The following SLC4A10 variants were observed in gnomAD, a reference collection of about 807,000 sequenced individuals.
SLC4A10 encodes solute carrier family 4 member 10, also known as sodium-driven chloride bicarbonate exchanger.
Under a neutral mutation model 137.7 loss-of-function variants are expected in SLC4A10, and 42 were observed. The observed-to-expected ratio is 0.30, with a 90% confidence interval of 0.24 to 0.39. SLC4A10 has a LOEUF of 0.39. Among genes scored for constraint, SLC4A10 ranks in the 10% least tolerant of loss-of-function variants. The pLI is 1.00. For missense variants in SLC4A10, 925 were observed against 1,355.0 expected (o/e 0.68, Z 4.98); for synonymous variants, 474 against 464.1 (o/e 1.02, Z -0.27).
chr2:161,919,426 A>G (rs908460414), intron 15 of SLC4A10, among the ~76,000 whole-genome samples: 2 of 151,994 alleles, frequency 1.3e-5, no homozygotes, highest in Admixed American at 6.5e-5. Flanking sequence ...CTGCTCACCC[A>G]TGGCCACCCA....
intron 10 of SLC4A10, among the ~76,000 whole-genome samples, chr2:161,891,289 C>T (rs900892316): frequency 6.6e-6 from 1 of 152,034 alleles, no homozygotes; most frequent in Non-Finnish European, 1.5e-5. Flanking sequence ...TTTCTCTTCT[C>T]GAGGAGTATC....
At chr2:161,975,847 G>A (rs1250254621) in intron 24 of SLC4A10, among the ~76,000 whole-genome samples, 4 of 152,226 alleles carry the variant, frequency 2.6e-5, no homozygotes, top group Non-Finnish European at 5.9e-5. Context: ...TTCCAGAACA[G>A]TCAGGAGGCT....
At chr2:161,630,648 A>G (rs983725582) in intron 1 of SLC4A10, among the ~76,000 whole-genome samples, 1 of 151,778 alleles carries the variant, frequency 6.6e-6, no homozygotes, top group East Asian at 1.9e-4. Flanking sequence ...CCACTATTAT[A>G]TAGTCTCTAT....
chr2:161,983,047 CAGCATGAGAG>C lies in SLC4A10; in HGVS notation c.*27-127_*27-118del, dbSNP rs1360377469. ...ATTGTTGCTGTCTATCTGTGCTTCG[CAGCATGAGAG>C]AGCAATGCCTACGGGCTCTTGTGGT... On this transcript the variant is annotated intron_variant, in intron 26 of 26. Coordinates refer to ENST00000446997, the MANE Select transcript of SLC4A10 (RefSeq NM_001178015.2). The C allele has an allele frequency of 5.8e-5, 41 of 701,416 alleles. No homozygotes were observed. In the East Asian group the frequency reaches 1.1e-3, roughly 19 times the overall value. 43.4% of individuals were successfully genotyped at this position (701,416 alleles called of 1,614,324 possible).
At chr2:161,741,057 G>C in intron 1 of SLC4A10, among the ~76,000 whole-genome samples, 1 of 151,918 alleles carries the variant, frequency 6.6e-6, no homozygotes, top group East Asian at 1.9e-4. Context: ...CAAATTGCTT[G>C]AGTCCAGGAG....
rs1277267511 is a variant in SLC4A10 at position 161,738,371 on chromosome 2, T to A, written c.49-32602T>A. Reference sequence around the variant, plus strand: ...GGCAGGCCTCTGAACCAGAGTAGATTTAGAGAGACTCCAGCACTGTCTCAT... The same window carrying A: ...GGCAGGCCTCTGAACCAGAGTAGATATAGAGAGACTCCAGCACTGTCTCAT... On this transcript the variant is annotated intron_variant, in intron 1 of 26. Coordinates refer to ENST00000446997, the MANE Select transcript of SLC4A10 (RefSeq NM_001178015.2). 3.3e-5 allele frequency among the ~76,000 whole-genome samples: 5 copies of A among 152,260 alleles called. No individual in the cohort carries two copies. The Middle Eastern group carries it at 0.01, about 311-fold the overall frequency.
chr2:161,773,388 T>C (rs747040920), intron 2 of SLC4A10, among the ~76,000 whole-genome samples: 4 of 151,894 alleles, frequency 2.6e-5, no homozygotes, highest in African/African-American at 4.8e-5. Flanking sequence ...ATTCAAATTG[T>C]AGTATCCTCC....
At chr2:161,963,443 A>T (rs1697067858) in intron 21 of SLC4A10, among the ~76,000 whole-genome samples, 1 of 152,200 alleles carries the variant, frequency 6.6e-6, no homozygotes, top group South Asian at 2.1e-4. Flanking sequence ...GAAATTAAAT[A>T]GAGTTAACAA....
At chr2:161,890,353 T>C (rs1188536730) in intron 10 of SLC4A10, among the ~76,000 whole-genome samples, 1 of 152,162 alleles carries the variant, frequency 6.6e-6, no homozygotes. Flanking sequence ...TGTTGATTTT[T>C]CTGTCTCGTT....
At chr2:161,680,647 C>A (rs1050124151) in intron 1 of SLC4A10, among the ~76,000 whole-genome samples, 1 of 151,968 alleles carries the variant, frequency 6.6e-6, no homozygotes, top group African/African-American at 2.4e-5. Flanking sequence ...GTGATGAAAG[C>A]AAGTTTTAAG....
chr2:161,798,364 A>G lies in SLC4A10; in HGVS notation c.131-6085A>G, dbSNP rs545256890. Among the ~76,000 whole-genome samples, 6 of 152,060 alleles carry G rather than the reference A, an allele frequency of 3.9e-5. No homozygotes were observed. The East Asian group carries it at 1.2e-3, about 29-fold the overall frequency. Reference sequence around the variant, plus strand: ...AACAAAAGACATAGAGTTCTCTTCAAGAGTAGATACCTTGACCCCTTCCCT... The same window carrying G: ...AACAAAAGACATAGAGTTCTCTTCAGGAGTAGATACCTTGACCCCTTCCCT... On this transcript the variant is annotated intron_variant, in intron 2 of 26. Coordinates refer to ENST00000446997, the MANE Select transcript of SLC4A10 (RefSeq NM_001178015.2).
chr2:161,915,503 G>A (rs1457257548), intron 15 of SLC4A10, among the ~76,000 whole-genome samples: 1 of 152,182 alleles, frequency 6.6e-6, no homozygotes, highest in East Asian at 1.9e-4. Context: ...CTGATGGTGA[G>A]CAGCTTCCCC....
Position 161,879,225 on chromosome 2 carries a change from C to G in SLC4A10, c.1043C>G (p.Ala348Gly), listed in dbSNP as rs201945239. ...ELEFLDRTVVAFVRLSPAVLL... is the reference protein window; with the variant it reads ...ELEFLDRTVVGFVRLSPAVLL... ...GAGTTCTTGGATCGAACAGTAGTTG[C>G]GTTTGTCAGGTTGTCTCCAGCTGTA... The change falls in exon 9 of 27, where the codon GCG (alanine) becomes GGG (glycine). Residue 348 changes from alanine (A) to glycine (G), a missense_variant. By Grantham distance (60) the Ala-to-Gly change is moderately conservative. Transcript: ENST00000446997. The G allele has an allele frequency of 8.1e-6, 13 of 1,613,104 alleles. No individual in the cohort carries two copies. In the Admixed American group the frequency reaches 8.3e-5, roughly 10 times the overall value.
chr2:161,929,090 C>G (rs1041354584), intron 15 of SLC4A10, among the ~76,000 whole-genome samples: 4 of 152,000 alleles, frequency 2.6e-5, no homozygotes, highest in Admixed American at 2.6e-4. Flanking sequence ...CCTTTTATTT[C>G]TGAGGTAAAC....
intron 1 of SLC4A10, among the ~76,000 whole-genome samples, chr2:161,670,332 A>T (rs2039551953): frequency 7.0e-6 from 1 of 143,164 alleles, no homozygotes. Flanking sequence ...GGTTTTATTG[A>T]GCATTTACTA....
In SLC4A10 at chr2:161,964,603, G is replaced by GA. The variant is rs1378778464; in HGVS notation, c.3036+300dup. On this transcript the variant is annotated intron_variant, in intron 22 of 26. Transcript: ENST00000446997. ...TAACATTAAAGATACTAGCAAATAT[G>GA]AAAAATTAGGATTTTTAAAATAACA... Among the ~76,000 whole-genome samples, 4 of 152,192 alleles carry GA rather than the reference G, an allele frequency of 2.6e-5. No homozygotes were observed. The South Asian group carries it at 6.2e-4, about 24-fold the overall frequency.
intron 1 of SLC4A10, among the ~76,000 whole-genome samples, chr2:161,722,995 A>G (rs371380343): frequency 1.3e-5 from 2 of 152,180 alleles, no homozygotes; most frequent in Non-Finnish European, 2.9e-5. Flanking sequence ...GAATTCCTCC[A>G]GGTCCAAACT....
intron 1 of SLC4A10, among the ~76,000 whole-genome samples, chr2:161,768,945 C>T (rs535942493): frequency 6.6e-6 from 1 of 152,074 alleles, no homozygotes; most frequent in South Asian, 2.1e-4. Context: ...ATCACAAATT[C>T]GTTTCCCATA....
At chr2:161,865,073 A>C (rs574831531) in intron 6 of SLC4A10, among the ~76,000 whole-genome samples, 4 of 152,298 alleles carry the variant, frequency 2.6e-5, no homozygotes, top group Admixed American at 6.5e-5. Context: ...ATGTTTCTTC[A>C]AAGAGGCAAG....
Sources: gnomAD v4.1 joint callset for allele counts (sites outside exome capture counted in the v4.1 genomes callset) on GRCh38, gnomAD v4.1.1 for gene constraint, MANE v1.5 for transcripts, NCBI Gene and HGNC (gene_info 2026-07-23, HGNC 2026-07-21) for gene names.